RABL3: variants seen among roughly 807,000 people sequenced by gnomAD.
The protein encoded by RABL3 is RAB, member of RAS oncogene family like 3.
RABL3 carries 31 observed loss-of-function variants against 31.8 expected under a neutral mutation model. The ratio of observed to expected loss-of-function variants is 0.97; its 90% CI spans 0.73 to 1.31. The LOEUF (loss-of-function observed/expected upper bound fraction) is 1.31, where lower values mean the gene tolerates loss of function less well. Ranked by LOEUF, RABL3 falls within the 40% of genes most tolerant of loss-of-function variation. RABL3 has a pLI of 0.00. For synonymous variants in RABL3, 97 were observed against 99.9 expected, an observed-to-expected ratio of 0.97 and a Z score of 0.18; for missense variants, 263 against 279.6, an observed-to-expected ratio of 0.94 and a Z score of 0.42.
chr3:120,698,867 C>T (rs1576332550), intron 4 of RABL3, among the ~76,000 whole-genome samples: 1 of 152,160 alleles, frequency 6.6e-6, no homozygotes, highest in Non-Finnish European at 1.5e-5. Context: ...AAGTATATTA[C>T]AGTCAGTGGA....
intron 2 of RABL3, among the ~76,000 whole-genome samples, chr3:120,724,821 A>C (rs1331150110): frequency 6.6e-6 from 1 of 152,046 alleles, no homozygotes; most frequent in Non-Finnish European, 1.5e-5. Context: ...AAAGACTTAA[A>C]TGTTAGACCT....
chr3:120,729,817 G>A (rs1342245934), intron 2 of RABL3, among the ~76,000 whole-genome samples: 1 of 151,952 alleles, frequency 6.6e-6, no homozygotes. Flanking sequence ...AAGTCAAGAG[G>A]AAGGGATAGA....
chr3:120,689,747 G>T lies in RABL3; in HGVS notation c.*76C>A. 1 of 958,858 alleles carries T rather than the reference G, an allele frequency of 1.0e-6. No individual in the cohort carries two copies. The highest frequency in any genetic ancestry group is 1.7e-6 in the Non-Finnish European group (1 of 595,300). 59.4% of individuals were successfully genotyped at this position (958,858 alleles called of 1,614,324 possible). A position where few individuals can be genotyped will look rare whatever the true frequency, so the allele number is the denominator to read the frequency against. On this transcript the variant is annotated 3_prime_UTR_variant, in exon 8 of 8. Transcript: ENST00000273375. ...ATGATTTTGTTAAAAGGCTGTGATG[G>T]TAATAATTGAACACAGCAAGATGAG...
At chr3:120,740,256 T>C (rs60932097) in intron 1 of RABL3, among the ~76,000 whole-genome samples, 2,775 of 152,218 alleles carry the variant, frequency 0.018, 91 homozygotes, top group African/African-American at 0.064. Flanking sequence ...AATATCAACT[T>C]ATTCTTTTTA....
At chr3:120,691,045 C>A (rs976055787) in intron 6 of RABL3, among the ~76,000 whole-genome samples, 15 of 152,124 alleles carry the variant, frequency 9.9e-5, no homozygotes, top group African/African-American at 2.9e-4. Context: ...TAACTGCACC[C>A]TTACTTCAGT....
intron 4 of RABL3, among the ~76,000 whole-genome samples, chr3:120,699,107 TAAG>T (rs1469406496): frequency 6.6e-6 from 1 of 151,632 alleles, no homozygotes; most frequent in East Asian, 1.9e-4. Context: ...AGTAAAGAAA[TAAG>T]AAGAATAAGA....
At chr3:120,742,594 A>C, upstream of RABL3, 1 of 1,297,652 alleles carries the variant, frequency 7.7e-7, no homozygotes, top group Non-Finnish European at 1.1e-6. Flanking sequence ...CTTCAATTTC[A>C]TTGGCCACTC....
At chr3:120,709,071 T>C (rs1204275951) in intron 3 of RABL3, among the ~76,000 whole-genome samples, 1 of 151,972 alleles carries the variant, frequency 6.6e-6, no homozygotes, top group Non-Finnish European at 1.5e-5. Context: ...GCCAAATCCT[T>C]TGGTATATTA....
Position 120,689,704 on chromosome 3 carries a change from G to A in RABL3, c.*119C>T. The A allele has an allele frequency of 1.3e-6, 1 of 748,334 alleles. No individual in the cohort carries two copies. Among genetic ancestry groups the A allele is most frequent in the Non-Finnish European group, 2.3e-6 (1 of 431,056 alleles). The allele number at this position is 748,334 out of a possible 1,614,324, so 46.4% of individuals were successfully genotyped here. On this transcript the variant is annotated 3_prime_UTR_variant, in exon 8 of 8. Coordinates refer to ENST00000273375, the MANE Select transcript of RABL3 (RefSeq NM_173825.5). Reference sequence around the variant, plus strand: ...CATTTTTCCATTAAAGGGTAAGGCTGAAGGGTAGCATTTTAAGATGATTTT... The same window carrying A: ...CATTTTTCCATTAAAGGGTAAGGCTAAAGGGTAGCATTTTAAGATGATTTT...
chr3:120,717,283 C>CA (rs11349554), intron 2 of RABL3, among the ~76,000 whole-genome samples: 111 of 142,814 alleles, frequency 7.8e-4, no homozygotes, highest in East Asian at 1.4e-3. Context: ...AAAAAAACAA[C>CA]AAAAAAAAAA....
At chr3:120,740,579 A>T (rs1412958971) in intron 1 of RABL3, among the ~76,000 whole-genome samples, 1 of 152,118 alleles carries the variant, frequency 6.6e-6, no homozygotes, top group Admixed American at 6.5e-5. Flanking sequence ...TTCTTTATAT[A>T]TTTGTGAAAC....
intron 5 of RABL3, among the ~76,000 whole-genome samples, chr3:120,697,180 T>G (rs890041390): frequency 3.3e-5 from 5 of 151,636 alleles, no homozygotes; most frequent in African/African-American, 4.9e-5. Flanking sequence ...TTTCTAAGAG[T>G]TTTTTCAGCT....
At chr3:120,702,170 G>A (rs1334555510) in intron 4 of RABL3, among the ~76,000 whole-genome samples, 2 of 152,146 alleles carry the variant, frequency 1.3e-5, no homozygotes, top group African/African-American at 4.8e-5. Flanking sequence ...CATGACAGTT[G>A]TGGCAAAGGC....
intron 4 of RABL3, 130 bp downstream of exon 4, chr3:120,705,870 T>C (rs1708542058): frequency 1.5e-6 from 1 of 669,932 alleles, no homozygotes; most frequent in Non-Finnish European, 2.7e-6. Flanking sequence ...AAGATACTGT[T>C]AAAAGGAAAA....
intron 5 of RABL3, 63 bp downstream of exon 5, chr3:120,698,360 A>G (rs1708460225): frequency 7.1e-7 from 1 of 1,412,160 alleles, no homozygotes; most frequent in African/African-American, 1.4e-5. Flanking sequence ...TATTATTTGA[A>G]TATGTCTTCA....
chr3:120,709,671 A>G (rs1237487598), intron 3 of RABL3, 109 bp downstream of exon 3: 1 of 815,722 alleles, frequency 1.2e-6, no homozygotes, highest in Admixed American at 2.7e-5. Context: ...TTGTGAGTAC[A>G]TTATATCTTT....
At chr3:120,733,638 T>C (rs1381283726) in intron 1 of RABL3, among the ~76,000 whole-genome samples, 5 of 152,226 alleles carry the variant, frequency 3.3e-5, no homozygotes, top group Non-Finnish European at 7.3e-5. Context: ...CCCATGCCTA[T>C]GTCCGGAATG....
chr3:120,730,414 T>C (rs1708868882), intron 2 of RABL3, among the ~76,000 whole-genome samples: 1 of 152,184 alleles, frequency 6.6e-6, no homozygotes. Context: ...ATGTGAACTC[T>C]AGATATATGG....
chr3:120,738,289 C>T (rs1456634236), intron 1 of RABL3, among the ~76,000 whole-genome samples: 3 of 152,246 alleles, frequency 2.0e-5, no homozygotes, highest in Non-Finnish European at 4.4e-5. Flanking sequence ...GTGGGTGTGG[C>T]ACCCTCTGAG....
Sources: allele counts gnomAD v4.1 joint callset (sites outside exome capture counted in the v4.1 genomes callset), GRCh38; gene constraint gnomAD v4.1.1; transcripts MANE v1.5; gene names NCBI Gene and HGNC (gene_info 2026-07-23, HGNC 2026-07-21).